TF: variants seen among roughly 807,000 people sequenced by gnomAD.
The protein encoded by TF is transferrin.
In TF, 55 loss-of-function variants were observed where a neutral mutation model predicts 82.4. The ratio of observed to expected loss-of-function variants is 0.67; its 90% CI spans 0.54 to 0.84. TF has a LOEUF of 0.84. Ranked by LOEUF, TF falls within the 40% of genes least tolerant of loss-of-function variation. TF has a pLI of 0.00. For missense variants in TF, 737 were observed against 868.4 expected (o/e 0.85, Z 1.90); for synonymous variants, 332 against 332.6 (o/e 1.00, Z 0.02).
the TF span, among the ~76,000 whole-genome samples, chr3:133,667,803 T>C: frequency 6.6e-6 from 1 of 152,346 alleles, no homozygotes; most frequent in South Asian, 2.1e-4. Context: ...CTCACCTTTC[T>C]ATCTCTCCTA....
At chr3:133,755,592 C>T (rs1467634409) in intron 5 of TF, 97 bp downstream of exon 5, 3 of 1,561,114 alleles carry the variant, frequency 1.9e-6, no homozygotes, top group Non-Finnish European at 1.7e-6. Context: ...TGCCTGCCTA[C>T]AGGGGCATCG....
chr3:133,669,913 G>A, the TF span, among the ~76,000 whole-genome samples: 2 of 152,324 alleles, frequency 1.3e-5, no homozygotes, highest in East Asian at 1.9e-4. Context: ...TTTGATCTCT[G>A]CCCTCATAGA....
chr3:133,726,373 G>T, the TF span, among the ~76,000 whole-genome samples: 1 of 152,122 alleles, frequency 6.6e-6, no homozygotes, highest in East Asian at 1.9e-4. Flanking sequence ...ACTTCTTCCT[G>T]GTTTAGTCTT....
the TF span, among the ~76,000 whole-genome samples, chr3:133,671,746 T>C: frequency 1.4e-5 from 2 of 147,988 alleles, no homozygotes; most frequent in African/African-American, 5.0e-5. Flanking sequence ...TGAGCCGCAA[T>C]CTTGCCACTT....
the TF span, among the ~76,000 whole-genome samples, chr3:133,694,006 C>T: frequency 2.0e-5 from 3 of 152,182 alleles, no homozygotes; most frequent in African/African-American, 7.2e-5. Context: ...CGCAGGGACC[C>T]TGGGCCACAC....
chr3:133,743,515 T>C (rs1933432768), upstream of TF, among the ~76,000 whole-genome samples: 1 of 152,130 alleles, frequency 6.6e-6, no homozygotes, highest in Non-Finnish European at 1.5e-5. Flanking sequence ...GGTGGATGTG[T>C]ACACTCTGGA....
chr3:133,674,172 C>G, the TF span, among the ~76,000 whole-genome samples: 1 of 152,194 alleles, frequency 6.6e-6, no homozygotes, highest in Non-Finnish European at 1.5e-5. Flanking sequence ...GGACAGCCCC[C>G]GAATCCCTAA....
chr3:133,684,673 A>C, the TF span, among the ~76,000 whole-genome samples: 2 of 152,244 alleles, frequency 1.3e-5, no homozygotes, highest in Non-Finnish European at 2.9e-5. Context: ...GAATCCCTGA[A>C]TAGACCAATA....
the TF span, among the ~76,000 whole-genome samples, chr3:133,703,404 G>T: frequency 2.6e-5 from 4 of 152,284 alleles, no homozygotes; most frequent in South Asian, 4.1e-4. Context: ...GTGGTTACAA[G>T]GAATTAAATT....
At position 133,756,282 on chromosome 3, in the gene TF, G is replaced by A; in HGVS notation, c.636G>A (p.Lys212=). 2 of 1,614,054 alleles carry A rather than the reference G, an allele frequency of 1.2e-6. No individual in the cohort carries two copies. The highest frequency in any genetic ancestry group is 2.2e-5 in the South Asian group (2 of 91,028). The change falls in exon 6 of 17, where the codon AAG becomes AAA. Residue 212 remains lysine, a splice_region_variant and synonymous_variant. Coordinates refer to ENST00000402696, the MANE Select transcript of TF (RefSeq NM_001063.4). ...CTGCTGATGTGTTTCTTTGACCCAG[G>A]TGTCTGAAGGATGGTGCTGGGGATG... ...NQYFGYSGAF[K]CLKDGAGDVA...
Position 133,756,871 on chromosome 3 carries a change from G to T in TF, c.732G>T (p.Leu244=). ...ANKADRDQYE[L]LCLDNTRKPV... is the part of the protein sequence containing the mutation. Reference sequence around the variant, plus strand: ...AGGCTGACAGGGACCAGTATGAGCTGCTTTGCCTGGACAACACCCGGAAGC... The same window carrying T: ...AGGCTGACAGGGACCAGTATGAGCTTCTTTGCCTGGACAACACCCGGAAGC... Residue 244 remains leucine (L), a synonymous_variant, in exon 7 of 17, where the codon CTG becomes CTT. Transcript: ENST00000402696. 1 of 1,614,230 alleles carries T rather than the reference G, an allele frequency of 6.2e-7. No individual in the cohort carries two copies. The highest frequency in any genetic ancestry group is 8.5e-7 in the Non-Finnish European group (1 of 1,180,042).
the TF span, among the ~76,000 whole-genome samples, chr3:133,673,469 G>A: frequency 6.6e-6 from 1 of 152,084 alleles, no homozygotes. Flanking sequence ...AGACTACAAC[G>A]ATCAAGAGGA....
At chr3:133,710,627 C>T in the TF span, among the ~76,000 whole-genome samples, 1 of 152,152 alleles carries the variant, frequency 6.6e-6, no homozygotes, top group African/African-American at 2.4e-5. Flanking sequence ...CTGCACCTCC[C>T]CACCTCCTCC....
the TF span, among the ~76,000 whole-genome samples, chr3:133,718,646 G>A: frequency 6.6e-6 from 1 of 152,108 alleles, no homozygotes; most frequent in Non-Finnish European, 1.5e-5. Context: ...TCTTGTTAAG[G>A]CACAGGTCCC....
chr3:133,710,910 G>A, the TF span, among the ~76,000 whole-genome samples: 1,783 of 152,138 alleles, frequency 0.012, 35 homozygotes, highest in African/African-American at 0.04. Flanking sequence ...ACTCCCTGCC[G>A]CCTGGCTCCT....
At chr3:133,679,247 C>G in the TF span, among the ~76,000 whole-genome samples, 3 of 152,150 alleles carry the variant, frequency 2.0e-5, no homozygotes, top group Non-Finnish European at 1.5e-5. Flanking sequence ...GTCTCAAACT[C>G]CTGGGCTGAA....
rs772210493 is a variant in TF, at chr3:133,754,635, T to G, written c.466T>G (p.Cys156Gly). Residue 156 changes from cysteine (C) to glycine (G), a missense_variant, in exon 4 of 17, where the codon TGT becomes GGT. Coordinates refer to ENST00000402696, the MANE Select transcript of TF (RefSeq NM_001063.4). ...GAACATCCCCATAGGCTTACTTTAC[T>G]GTGACTTACCTGAGCCACGTAAACC... ...GWNIPIGLLY[C>G]DLPEPRKPLE... 5.6e-6 allele frequency: 9 copies of G among 1,614,114 alleles called. No homozygotes were observed. In the Middle Eastern group the frequency reaches 4.9e-4, roughly 88 times the overall value.
the TF span, among the ~76,000 whole-genome samples, chr3:133,736,631 C>CAAAAAAGAAAAAAAAAGAAAAAAA: frequency 3.1e-5 from 1 of 32,552 alleles, no homozygotes; most frequent in African/African-American, 1.3e-4. Flanking sequence ...AATGGAAAGC[C>CAAAAAAGAAAAAAAAAGAAAAAAA]AAAAAAAAAA....
chr3:133,756,946 C>G lies in TF; in HGVS notation c.807C>G (p.Thr269=). The change falls in exon 7 of 17, where the codon ACC becomes ACG. Residue 269 remains threonine (T), a synonymous_variant. Transcript: ENST00000402696. ...DCHLAQVPSH[T]VVARSMGGKE... is the part of the protein sequence containing the mutation. ...ACTTGGCCCAGGTCCCTTCTCATACCGTCGTGGCCCGAAGTATGGGCGGCA... is the reference window on the plus strand; with the variant it reads ...ACTTGGCCCAGGTCCCTTCTCATACGGTCGTGGCCCGAAGTATGGGCGGCA... 6.2e-7 allele frequency: 1 copy of G among 1,614,132 alleles called. No homozygotes were observed. Among genetic ancestry groups the G allele is most frequent in the South Asian group, 1.1e-5 (1 of 91,078 alleles).
Sources: gnomAD v4.1 joint callset for allele counts (sites outside exome capture counted in the v4.1 genomes callset) on GRCh38, gnomAD v4.1.1 for gene constraint, MANE v1.5 for transcripts, NCBI Gene and HGNC (gene_info 2026-07-23, HGNC 2026-07-21) for gene names.